EML1: variants seen among roughly 807,000 people sequenced by gnomAD.
The protein encoded by EML1 is EMAP like 1.
A neutral mutation model predicts 110.4 loss-of-function variants in EML1; 27 were observed. That is an observed-to-expected ratio of 0.24 (90% CI 0.18 to 0.34). The LOEUF (loss-of-function observed/expected upper bound fraction) is 0.34, where lower values mean the gene tolerates loss of function less well. Among genes scored for constraint, EML1 ranks in the 10% least tolerant of loss-of-function variants. EML1 has a pLI of 1.00. For missense variants in EML1, 741 were observed against 1,030.9 expected, an observed-to-expected ratio of 0.72 and a Z score of 3.85; for synonymous variants, 344 against 385.8, an observed-to-expected ratio of 0.89 and a Z score of 1.27.
intron 3 of EML1, among the ~76,000 whole-genome samples, chr14:99,877,006 G>A (rs112694530): frequency 0.019 from 2,930 of 152,288 alleles, 89 homozygotes; most frequent in African/African-American, 0.065. Flanking sequence ...CTATACTAGA[G>A]TTATGTGCTC....
At chr14:99,819,834 G>A (rs1051295901) in intron 1 of EML1, among the ~76,000 whole-genome samples, 3 of 152,232 alleles carry the variant, frequency 2.0e-5, no homozygotes, top group Non-Finnish European at 2.9e-5. Context: ...TCACTGGGCT[G>A]GGGGAGGGCT....
At chr14:99,795,536 T>G (rs1348523749) in intron 1 of EML1, among the ~76,000 whole-genome samples, 1 of 152,230 alleles carries the variant, frequency 6.6e-6, no homozygotes, top group East Asian at 1.9e-4. Context: ...TGTTAACTGG[T>G]GATGTCTTAG....
rs2058383342 is a variant in EML1 at position 99,827,706 on chromosome 14, G to T, written c.68-23147G>T. On this transcript the variant is annotated intron_variant, in intron 1 of 21. Transcript: ENST00000262233. This position sits in a 1 kb window ranked among gnomAD's most constrained non-coding sequence, Gnocchi z 4.4. ...AAGGGAGAAGACGGCCAGCGAGAGAGGCCTCAGAAGAAACGAACCCTGCTG... is the reference window on the plus strand; with the variant it reads ...AAGGGAGAAGACGGCCAGCGAGAGATGCCTCAGAAGAAACGAACCCTGCTG... Among the ~76,000 whole-genome samples the T allele has an allele frequency of 6.6e-6, 1 of 152,162 alleles. No individual in the cohort carries two copies. Among genetic ancestry groups the T allele is most frequent in the Non-Finnish European group, 1.5e-5 (1 of 68,024 alleles).
chr14:99,793,366 G>GCAGGGCCGGCCC, upstream of EML1: 4 of 990,884 alleles, frequency 4.0e-6, no homozygotes, highest in Non-Finnish European at 4.8e-6. Flanking sequence ...AGCCGCCACA[G>GCAGGGCCGGCCC]CAGGGCCGGC....
At chr14:99,819,018 A>G (rs2058217533) in intron 1 of EML1, among the ~76,000 whole-genome samples, 1 of 152,178 alleles carries the variant, frequency 6.6e-6, no homozygotes, top group South Asian at 2.1e-4. Context: ...TAGTGGTGCA[A>G]TCATAGTTTA....
At chr14:99,894,905 C>T (rs976322792) in intron 6 of EML1, 147 bp downstream of exon 6, 1 of 1,084,788 alleles carries the variant, frequency 9.2e-7, no homozygotes. Flanking sequence ...CTTAATGTAA[C>T]AAAATTGACT....
At position 99,827,570 on chromosome 14, in the gene EML1, G is replaced by A. The variant is rs976568053; in HGVS notation, c.68-23283G>A. Among the ~76,000 whole-genome samples the A allele has an allele frequency of 6.6e-6, 1 of 152,088 alleles. No homozygotes were observed. The stretch of plus-strand genomic sequence containing the variant: ...TATACTTGGAAATAGAGTCTTTAAA[G>A]AGGTGATTAAGTTAAACGTGGCCGT... On this transcript the variant is annotated intron_variant, in intron 1 of 21. Coordinates refer to ENST00000262233, the MANE Select transcript of EML1 (RefSeq NM_004434.3). This position sits in a 1 kb window ranked among gnomAD's most constrained non-coding sequence, Gnocchi z 4.4.
intron 17 of EML1, among the ~76,000 whole-genome samples, chr14:99,921,922 C>T (rs941550731): frequency 6.6e-6 from 1 of 152,176 alleles, no homozygotes; most frequent in African/African-American, 2.4e-5. Flanking sequence ...CACCCCCAGT[C>T]CGAGGAAACT....
intron 3 of EML1, 41 bp from the exon 4 acceptor site, chr14:99,878,444 C>A (rs748074054): frequency 6.4e-7 from 1 of 1,558,856 alleles, no homozygotes; most frequent in African/African-American, 1.4e-5. Context: ...AATAAAGTCA[C>A]GATATTAAGG....
At chr14:99,858,383 C>T (rs1282754173) in intron 2 of EML1, among the ~76,000 whole-genome samples, 2 of 152,060 alleles carry the variant, frequency 1.3e-5, no homozygotes, top group East Asian at 1.9e-4. Flanking sequence ...CGGGTTTTCT[C>T]CATGTTGGTC....
At chr14:99,790,844 A>G (rs1156658233), upstream of EML1, among the ~76,000 whole-genome samples, 1 of 130,558 alleles carries the variant, frequency 7.7e-6, no homozygotes. Context: ...TTTCCCTGCC[A>G]AAGTTTTCTT....
At position 99,933,543 on chromosome 14, in the gene EML1, C is replaced by T. The variant is rs192706531; in HGVS notation, c.1910-2486C>T. On this transcript the variant is annotated intron_variant, in intron 17 of 21. Coordinates refer to ENST00000262233, the MANE Select transcript of EML1 (RefSeq NM_004434.3). Reference sequence around the variant, plus strand: ...GCCAATCCCCTGCCGTGTCATGTGACAGATTTTCAGCTGTTCTTTACCCTA... The same window carrying T: ...GCCAATCCCCTGCCGTGTCATGTGATAGATTTTCAGCTGTTCTTTACCCTA... Among the ~76,000 whole-genome samples the T allele has an allele frequency of 1.3e-3, 205 of 152,352 alleles. 3 individuals carry two copies. Among genetic ancestry groups the T allele is most frequent in the Non-Finnish European group, 3.4e-4 (23 of 68,034 alleles).
chr14:99,933,825 G>A (rs2060417607), intron 17 of EML1, among the ~76,000 whole-genome samples: 2 of 152,246 alleles, frequency 1.3e-5, no homozygotes, highest in Non-Finnish European at 2.9e-5. Flanking sequence ...CGGGCACGGT[G>A]GCTCACGCCT....
At chr14:99,815,125 T>A (rs901838970) in intron 1 of EML1, among the ~76,000 whole-genome samples, 4 of 149,114 alleles carry the variant, frequency 2.7e-5, no homozygotes, top group African/African-American at 1.0e-4. Context: ...AAAACTGGGA[T>A]CTGTGAGGCT....
intron 4 of EML1, among the ~76,000 whole-genome samples, chr14:99,882,428 T>C (rs1182971862): frequency 6.6e-6 from 1 of 152,222 alleles, no homozygotes; most frequent in Non-Finnish European, 1.5e-5. Context: ...GTCAGCTCTA[T>C]AAGCAAGACA....
rs756064646 is a variant in EML1, at chr14:99,940,070, G to A, written c.2406G>A (p.Thr802=). The A allele has an allele frequency of 8.7e-5, 140 of 1,600,974 alleles. No individual in the cohort carries two copies. Among genetic ancestry groups the A allele is most frequent in the Admixed American group, 3.3e-4 (19 of 57,808 alleles). ...GTGAAGACAGCCACCTCATCTCCAC[G>A]GGCGGGAAAGACACAAGCATCATGC... ...FLCEDSHLIS[T]GGKDTSIMQW... is the part of the protein sequence containing the mutation. The change falls in exon 22 of 22, where the codon ACG becomes ACA. Residue 802 remains threonine, a synonymous_variant. Coordinates refer to ENST00000262233, the MANE Select transcript of EML1 (RefSeq NM_004434.3).
intron 17 of EML1, among the ~76,000 whole-genome samples, chr14:99,933,128 G>T (rs2140125445): frequency 6.6e-6 from 1 of 152,134 alleles, no homozygotes; most frequent in Admixed American, 6.5e-5. Flanking sequence ...CAAAACTAAT[G>T]GTTCCATTAT....
At chr14:99,809,643 G>C (rs746566084) in intron 1 of EML1, 1 of 455,970 alleles carries the variant, frequency 2.2e-6, no homozygotes, top group African/African-American at 2.0e-5. Context: ...TCTTATCTGC[G>C]ATTTCAACAT....
intron 13 of EML1, among the ~76,000 whole-genome samples, chr14:99,913,535 A>G (rs1376247669): frequency 6.6e-6 from 1 of 152,218 alleles, no homozygotes; most frequent in Non-Finnish European, 1.5e-5. Context: ...TAAAAAGTAA[A>G]GAGAAAACTA....
Sources: allele counts gnomAD v4.1 joint callset (sites outside exome capture counted in the v4.1 genomes callset), GRCh38; gene constraint gnomAD v4.1.1; non-coding constraint Gnocchi (gnomAD v3.1); transcripts MANE v1.5; gene names NCBI Gene and HGNC (gene_info 2026-07-23, HGNC 2026-07-21).